The following NTNG1 variants were observed in gnomAD, a reference collection of about 807,000 sequenced individuals.
The protein encoded by NTNG1 is netrin G1.
A neutral mutation model predicts 54.0 loss-of-function variants in NTNG1; 16 were observed. The ratio of observed to expected loss-of-function variants is 0.30; its 90% CI spans 0.20 to 0.45. NTNG1 has a LOEUF of 0.45. NTNG1 is among the 20% of genes least tolerant of loss of function. NTNG1 has a pLI of 1.00. For synonymous variants in NTNG1, 255 were observed against 263.1 expected (o/e 0.97, Z 0.30); for missense variants, 530 against 678.7 (o/e 0.78, Z 2.43).
chr1:107,325,347 A>G (rs1023561070), intron 3 of NTNG1, among the ~76,000 whole-genome samples: 1 of 152,118 alleles, frequency 6.6e-6, no homozygotes, highest in Non-Finnish European at 1.5e-5. Context: ...GTAATATTGC[A>G]CAAAAAAATC....
intron 2 of NTNG1, among the ~76,000 whole-genome samples, chr1:107,183,870 T>G (rs10881456): frequency 1.3e-5 from 2 of 151,918 alleles, no homozygotes; most frequent in Admixed American, 6.6e-5. Flanking sequence ...TTTCAACCAG[T>G]TGCCTAAGCC....
chr1:107,220,581 C>A (rs1169305206), intron 2 of NTNG1, among the ~76,000 whole-genome samples: 2 of 152,224 alleles, frequency 1.3e-5, no homozygotes, highest in Non-Finnish European at 2.9e-5. Flanking sequence ...CTGCCAGATC[C>A]TAACTCCACT....
At chr1:107,238,828 A>G (rs1557835081) in intron 2 of NTNG1, among the ~76,000 whole-genome samples, 1 of 150,658 alleles carries the variant, frequency 6.6e-6, no homozygotes. Flanking sequence ...ACTCTCGGGT[A>G]TGTCTTTATC....
chr1:107,154,235 T>C (rs1311955611), intron 2 of NTNG1, among the ~76,000 whole-genome samples: 2 of 151,956 alleles, frequency 1.3e-5, no homozygotes, highest in African/African-American at 4.8e-5. Context: ...CAAAGGCCAC[T>C]TGGAAAATAC....
At chr1:107,299,857 T>TAC (rs149336257) in intron 2 of NTNG1, among the ~76,000 whole-genome samples, 32 of 151,012 alleles carry the variant, frequency 2.1e-4, no homozygotes, top group East Asian at 9.8e-4. Context: ...TATACACACA[T>TAC]ACACACACAC....
chr1:107,147,077 T>C (rs1371138461), intron 1 of NTNG1, among the ~76,000 whole-genome samples: 2 of 152,134 alleles, frequency 1.3e-5, no homozygotes, highest in African/African-American at 4.8e-5. Flanking sequence ...TGTTAGCATT[T>C]GTTCAGATTT....
chr1:107,388,857 C>T (rs978662086), intron 3 of NTNG1, among the ~76,000 whole-genome samples: 4 of 152,154 alleles, frequency 2.6e-5, no homozygotes, highest in African/African-American at 9.7e-5. Context: ...GCTGCAGAGA[C>T]AGAAAAAGAA....
chr1:107,316,619 AT>A lies in NTNG1; in HGVS notation c.247-7662del, dbSNP rs776237869. Among the ~76,000 whole-genome samples, 175 of 152,162 alleles carry A rather than the reference AT, an allele frequency of 1.2e-3. 2 individuals carry two copies. Among genetic ancestry groups the A allele is most frequent in the Non-Finnish European group, 5.4e-4 (37 of 68,028 alleles). ...ACCCCATAAAATATCTGTTTTTTATATAAAATTACATTGAATTATGTACCAA... is the reference window on the plus strand; with the variant it reads ...ACCCCATAAAATATCTGTTTTTTATAAAAATTACATTGAATTATGTACCAA... On this transcript the variant is annotated intron_variant, in intron 2 of 7. Transcript: ENST00000370068.
intron 2 of NTNG1, among the ~76,000 whole-genome samples, chr1:107,223,841 G>C (rs986584387): frequency 5.9e-5 from 9 of 152,110 alleles, no homozygotes; most frequent in African/African-American, 2.2e-4. Context: ...AATCCTGGAA[G>C]AACCAATCTG....
At chr1:107,434,710 T>C (rs957008135) in intron 6 of NTNG1, among the ~76,000 whole-genome samples, 1 of 152,196 alleles carries the variant, frequency 6.6e-6, no homozygotes. Context: ...GTATAACTTT[T>C]AAATGAAGCA....
At chr1:107,376,334 G>C (rs1468125319) in intron 3 of NTNG1, among the ~76,000 whole-genome samples, 1 of 152,068 alleles carries the variant, frequency 6.6e-6, no homozygotes, top group East Asian at 1.9e-4. Flanking sequence ...CGTGAACCCG[G>C]GAGGCGGAGC....
chr1:107,410,361 G>T (rs561058740), intron 5 of NTNG1: 1 of 152,038 alleles, frequency 6.6e-6, no homozygotes, highest in Non-Finnish European at 1.5e-5. Flanking sequence ...GCATGGATAG[G>T]GTGGTCATCC....
Position 107,286,299 on chromosome 1 carries a change from C to G in NTNG1, c.247-37983C>G, listed in dbSNP as rs145406751. On this transcript the variant is annotated intron_variant, in intron 2 of 7. Coordinates refer to ENST00000370068, the MANE Select transcript of NTNG1 (RefSeq NM_001113226.3). ...CTAAATGAGTAAGATCTGAGGCCCT[C>G]TTTCATATTTCTCAGTAACAACTCT... Among the ~76,000 whole-genome samples, 348 of 152,210 alleles carry G rather than the reference C, an allele frequency of 2.3e-3. 2 individuals are homozygous for G. Among genetic ancestry groups the G allele is most frequent in the African/African-American group, 8.2e-3 (339 of 41,552 alleles).
At chr1:107,421,291 C>T (rs1409593340) in intron 5 of NTNG1, 1 of 529,324 alleles carries the variant, frequency 1.9e-6, no homozygotes, top group Non-Finnish European at 3.4e-6. Flanking sequence ...TCGAATAGTA[C>T]TGAGAATCAT....
chr1:107,418,884 A>G (rs1395604930), intron 5 of NTNG1, among the ~76,000 whole-genome samples: 1 of 152,048 alleles, frequency 6.6e-6, no homozygotes, highest in Non-Finnish European at 1.5e-5. Flanking sequence ...ATTGAAGGTC[A>G]GTCAGTCCCA....
chr1:107,244,384 A>C (rs1409759732), intron 2 of NTNG1, among the ~76,000 whole-genome samples: 1 of 152,168 alleles, frequency 6.6e-6, no homozygotes, highest in Non-Finnish European at 1.5e-5. Flanking sequence ...AATCCCCATC[A>C]TTTTAACTTG....
chr1:107,445,219 G>T (rs1232009172), intron 7 of NTNG1, among the ~76,000 whole-genome samples: 2 of 151,956 alleles, frequency 1.3e-5, no homozygotes, highest in African/African-American at 4.8e-5. Context: ...TTGGAGTCGG[G>T]GTCTTGTTCT....
intron 2 of NTNG1, among the ~76,000 whole-genome samples, chr1:107,231,573 A>G (rs1661074192): frequency 4.6e-5 from 7 of 152,314 alleles, no homozygotes; most frequent in Admixed American, 4.6e-4. Flanking sequence ...TTAGATTATC[A>G]TACATTGCCA....
At chr1:107,411,970 A>C (rs1044855101) in intron 5 of NTNG1, among the ~76,000 whole-genome samples, 1 of 152,188 alleles carries the variant, frequency 6.6e-6, no homozygotes, top group African/African-American at 2.4e-5. Flanking sequence ...AGCTGAAATA[A>C]TCTCCTACTT....
Sources: allele counts gnomAD v4.1 joint callset (sites outside exome capture counted in the v4.1 genomes callset), GRCh38; gene constraint gnomAD v4.1.1; transcripts MANE v1.5; gene names NCBI Gene and HGNC (gene_info 2026-07-23, HGNC 2026-07-21).